ADAMTS12: variants seen among roughly 807,000 people sequenced by gnomAD.
ADAMTS12 encodes the protein A disintegrin and metalloproteinase with thrombospondin motifs 12.
In ADAMTS12, 118 loss-of-function variants were observed where a neutral mutation model predicts 167.8. The observed-to-expected ratio is 0.70, with a 90% CI of 0.61 to 0.82. The LOEUF (loss-of-function observed/expected upper bound fraction) is 0.82, where lower values mean the gene tolerates loss of function less well. Ranked by LOEUF, ADAMTS12 falls within the 40% of genes least tolerant of loss-of-function variation. The probability of loss-of-function intolerance (pLI) is 0.00; values close to 1 mark genes in which losing one functional copy is unlikely to be tolerated. For missense variants in ADAMTS12, 1,916 were observed against 1,998.8 expected, an observed-to-expected ratio of 0.96 and a Z score of 0.79; for synonymous variants, 704 against 716.9, an observed-to-expected ratio of 0.98 and a Z score of 0.29.
intron 3 of ADAMTS12, among the ~76,000 whole-genome samples, chr5:33,689,743 A>C (rs12173148): frequency 6.6e-6 from 1 of 152,110 alleles, no homozygotes; most frequent in Non-Finnish European, 1.5e-5. Flanking sequence ...TACTGGCCTG[A>C]CCCAAACCAC....
intron 7 of ADAMTS12, among the ~76,000 whole-genome samples, chr5:33,652,218 T>A (rs943169239): frequency 2.0e-5 from 3 of 152,044 alleles, no homozygotes; most frequent in Non-Finnish European, 4.4e-5. Context: ...TCCCATAGAG[T>A]TTGTGCTAAT....
At chr5:33,890,575 G>A (rs551896044) in intron 1 of ADAMTS12, among the ~76,000 whole-genome samples, 4 of 152,290 alleles carry the variant, frequency 2.6e-5, no homozygotes, top group African/African-American at 9.6e-5. Flanking sequence ...TTTATCACCC[G>A]AGTGGCCTTG....
intron 2 of ADAMTS12, among the ~76,000 whole-genome samples, chr5:33,761,314 C>T (rs906102825): frequency 7.2e-5 from 11 of 152,342 alleles, no homozygotes; most frequent in African/African-American, 2.6e-4. Context: ...GAAGGAGGGG[C>T]AGCCAGGCAA....
chr5:33,623,136 T>C (rs971817559), intron 14 of ADAMTS12, among the ~76,000 whole-genome samples: 1 of 152,160 alleles, frequency 6.6e-6, no homozygotes, highest in Non-Finnish European at 1.5e-5. Context: ...GTAGGAAGCA[T>C]GTTTAGAAGA....
chr5:33,781,735 G>A (rs1414650854), intron 2 of ADAMTS12, among the ~76,000 whole-genome samples: 2 of 151,408 alleles, frequency 1.3e-5, no homozygotes, highest in East Asian at 3.9e-4. Context: ...TAGGGTACAT[G>A]TGCACAATGT....
intron 1 of ADAMTS12, among the ~76,000 whole-genome samples, chr5:33,885,969 TAGA>T (rs1480958572): frequency 6.6e-6 from 1 of 152,250 alleles, no homozygotes; most frequent in Non-Finnish European, 1.5e-5. Flanking sequence ...AGATCTGAGT[TAGA>T]AGAACTGCAA....
At chr5:33,614,593 C>A (rs1738890290) in intron 15 of ADAMTS12, among the ~76,000 whole-genome samples, 1 of 152,160 alleles carries the variant, frequency 6.6e-6, no homozygotes, top group Non-Finnish European at 1.5e-5. Context: ...ACCTCTATAG[C>A]TATATATTTT....
intron 3 of ADAMTS12, among the ~76,000 whole-genome samples, chr5:33,727,240 C>T (rs918426957): frequency 1.6e-4 from 24 of 152,114 alleles, no homozygotes; most frequent in Non-Finnish European, 2.4e-4. Context: ...GCCTCACCAC[C>T]GAGATCTGGC....
intron 2 of ADAMTS12, among the ~76,000 whole-genome samples, chr5:33,846,540 C>A (rs1748953249): frequency 6.6e-6 from 1 of 152,196 alleles, no homozygotes; most frequent in South Asian, 2.1e-4. Flanking sequence ...TGCTCCAGAG[C>A]TCATGTTTTC....
At chr5:33,536,324 T>C (rs2111760832) in intron 22 of ADAMTS12, among the ~76,000 whole-genome samples, 1 of 152,306 alleles carries the variant, frequency 6.6e-6, no homozygotes, top group South Asian at 2.1e-4. Context: ...GCACACTCGC[T>C]AAGTCAACTG....
intron 3 of ADAMTS12, among the ~76,000 whole-genome samples, chr5:33,749,497 A>G (rs571448636): frequency 4.7e-4 from 71 of 152,248 alleles, no homozygotes; most frequent in African/African-American, 1.4e-3. Flanking sequence ...TGGGGTACTA[A>G]GCAGGTGTAA....
chr5:33,771,036 C>G (rs1745720297), intron 2 of ADAMTS12, among the ~76,000 whole-genome samples: 1 of 152,062 alleles, frequency 6.6e-6, no homozygotes, highest in Admixed American at 6.6e-5. Flanking sequence ...ATATTATAGA[C>G]AGGCAGGCAT....
chr5:33,683,507 T>A (rs1276695712), intron 4 of ADAMTS12, among the ~76,000 whole-genome samples: 1 of 152,226 alleles, frequency 6.6e-6, no homozygotes, highest in Non-Finnish European at 1.5e-5. Context: ...TATTTCTAAC[T>A]ACTTTGAGGA....
At chr5:33,627,396 G>A (rs1475819673) in intron 13 of ADAMTS12, among the ~76,000 whole-genome samples, 1 of 150,880 alleles carries the variant, frequency 6.6e-6, no homozygotes, top group Non-Finnish European at 1.5e-5. Context: ...GAGTAGTGGT[G>A]GCGATGATGT....
intron 20 of ADAMTS12, among the ~76,000 whole-genome samples, chr5:33,552,646 G>C (rs1745300897): frequency 6.6e-6 from 1 of 152,106 alleles, no homozygotes; most frequent in Admixed American, 6.6e-5. Flanking sequence ...ACATTCATAA[G>C]ACCCTTAAAA....
At chr5:33,614,210 CT>C in intron 16 of ADAMTS12, 27 bp downstream of exon 16, 1 of 1,609,732 alleles carries the variant, frequency 6.2e-7, no homozygotes, top group South Asian at 1.1e-5. Flanking sequence ...GCTGGCATGG[CT>C]TCATAGTGAG....
intron 2 of ADAMTS12, among the ~76,000 whole-genome samples, chr5:33,780,596 G>C (rs893839480): frequency 1.3e-5 from 2 of 152,118 alleles, no homozygotes; most frequent in African/African-American, 4.8e-5. Context: ...AAATGGAGTT[G>C]GGCATTCCCT....
intron 2 of ADAMTS12, among the ~76,000 whole-genome samples, chr5:33,820,353 T>C (rs1010655189): frequency 6.6e-6 from 1 of 152,202 alleles, no homozygotes; most frequent in African/African-American, 2.4e-5. Flanking sequence ...TGTTGGAATA[T>C]GTTAAAAGCA....
intron 19 of ADAMTS12, among the ~76,000 whole-genome samples, chr5:33,571,846 G>A (rs201712286): frequency 0.15 from 22,714 of 151,062 alleles, 1,807 homozygotes; most frequent in East Asian, 0.18. Flanking sequence ...TTGATAGACC[G>A]CTAGCAAGAC....
Sources: allele counts gnomAD v4.1 joint callset (sites outside exome capture counted in the v4.1 genomes callset), GRCh38; gene constraint gnomAD v4.1.1; transcripts MANE v1.5; gene names NCBI Gene and HGNC (gene_info 2026-07-23, HGNC 2026-07-21).